Variants in SF3B1 observed in about 807,000 individuals in gnomAD.
The protein encoded by SF3B1 is splicing factor 3b subunit 1.
In SF3B1, 12 loss-of-function variants were observed where a neutral mutation model predicts 153.8. The ratio of observed to expected loss-of-function variants is 0.08; its 90% CI spans 0.05 to 0.13. SF3B1 has a LOEUF of 0.13. SF3B1 is among the 10% of genes least tolerant of loss of function. The pLI is 1.00. For missense variants in SF3B1, 513 were observed against 1,606.1 expected (o/e 0.32, Z 11.63); for synonymous variants, 498 against 525.2 (o/e 0.95, Z 0.71).
Position 197,423,983 on chromosome 2 carries a change from AGAT to A in SF3B1, c.29-12_29-10del, listed in dbSNP as rs775894809. 2 of 1,597,766 alleles carry A rather than the reference AGAT, an allele frequency of 1.3e-6. No homozygotes were observed. Among genetic ancestry groups the A allele is most frequent in the African/African-American group, 2.7e-5 (2 of 73,920 alleles). The stretch of plus-strand genomic sequence containing the variant: ...AATCTGTGCTTCAATATCTATAAAA[AGAT>A]AACACAGACTTTCTTAATTTCACTT... On this transcript the variant is annotated splice_polypyrimidine_tract_variant and intron_variant, in intron 1 of 24. Transcript: ENST00000335508.
intron 11 of SF3B1, among the ~76,000 whole-genome samples, chr2:197,404,052 T>C (rs1251117276): frequency 1.3e-5 from 2 of 152,194 alleles, no homozygotes; most frequent in Non-Finnish European, 2.9e-5. Flanking sequence ...AAGGCACATA[T>C]AGTGTTAACA....
chr2:197,418,951 C>T, intron 4 of SF3B1: 2 of 1,597,704 alleles, frequency 1.3e-6, no homozygotes, highest in Non-Finnish European at 1.7e-6. Context: ...AGAATAGAAG[C>T]CTAGAAAATT....
chr2:197,405,493 G>A (rs2084979948), intron 9 of SF3B1, 21 bp from the exon 10 acceptor site: 1 of 1,551,194 alleles, frequency 6.4e-7, no homozygotes, highest in South Asian at 1.2e-5. Flanking sequence ...TTATAAGACA[G>A]TTTAGGATTT....
At chr2:197,411,402 G>A (rs921527905) in intron 6 of SF3B1, among the ~76,000 whole-genome samples, 7 of 152,052 alleles carry the variant, frequency 4.6e-5, no homozygotes, top group East Asian at 3.8e-4. Flanking sequence ...GGCCGGGTGC[G>A]GTGGCTCACA....
intron 9 of SF3B1, among the ~76,000 whole-genome samples, chr2:197,405,773 T>A (rs573217569): frequency 6.6e-6 from 1 of 152,248 alleles, no homozygotes; most frequent in East Asian, 1.9e-4. Flanking sequence ...TTGAAAATTA[T>A]AAAATCTGAG....
intron 6 of SF3B1, among the ~76,000 whole-genome samples, chr2:197,412,545 C>T (rs1457956417): frequency 4.0e-5 from 6 of 151,486 alleles, no homozygotes; most frequent in Non-Finnish European, 5.9e-5. Context: ...TTAGTAGAGA[C>T]GGGGTTTCAC....
At chr2:197,395,138 G>A (rs1232093633) in intron 23 of SF3B1, among the ~76,000 whole-genome samples, 2 of 152,256 alleles carry the variant, frequency 1.3e-5, no homozygotes, top group East Asian at 3.9e-4. Flanking sequence ...TTAGTACACA[G>A]AAAAAAGTTT....
In SF3B1 at chr2:197,390,212, T is replaced by A. The variant is rs899490383; in HGVS notation, c.*2091A>T. Reference sequence around the variant, plus strand: ...ATTTGCATCAGTAAAAAAAGTTAATTAAGGTGTAACAGTCTCCTTTGCTCC... The same window carrying A: ...ATTTGCATCAGTAAAAAAAGTTAATAAAGGTGTAACAGTCTCCTTTGCTCC... On this transcript the variant is annotated 3_prime_UTR_variant, in exon 25 of 25. Coordinates refer to ENST00000335508, the MANE Select transcript of SF3B1 (RefSeq NM_012433.4). The A allele has an allele frequency of 2.0e-5, 3 of 152,126 alleles. No homozygotes were observed. The highest frequency in any genetic ancestry group is 4.4e-5 in the Non-Finnish European group (3 of 68,024). The allele number at this position is 152,126 out of a possible 1,614,324, so 9.4% of individuals were successfully genotyped here.
At chr2:197,427,571 T>C (rs947320907) in intron 1 of SF3B1, among the ~76,000 whole-genome samples, 4 of 152,186 alleles carry the variant, frequency 2.6e-5, no homozygotes, top group Admixed American at 6.5e-5. Context: ...ATGACATTCA[T>C]AAATAAGGTA....
At position 197,401,337 on chromosome 2, in the gene SF3B1, C is replaced by T; in HGVS notation, c.2496+63G>A. 1.4e-6 allele frequency: 2 copies of T among 1,446,102 alleles called. No individual in the cohort carries two copies. The highest frequency in any genetic ancestry group is 1.9e-6 in the Non-Finnish European group (2 of 1,058,964). 89.6% of individuals were successfully genotyped at this position (1,446,102 alleles called of 1,614,324 possible). The stretch of plus-strand genomic sequence containing the variant: ...CAAAAAATAATATACAACATGCATT[C>T]AAGTTGACTAAAGAATGAGTTGAAA... On this transcript the variant is annotated intron_variant, in intron 17 of 24. Coordinates refer to ENST00000335508, the MANE Select transcript of SF3B1 (RefSeq NM_012433.4). This position sits in a 1 kb window ranked among gnomAD's most constrained non-coding sequence, Gnocchi z 4.2.
At chr2:197,425,704 G>T (rs749829469) in intron 1 of SF3B1, among the ~76,000 whole-genome samples, 2 of 151,950 alleles carry the variant, frequency 1.3e-5, no homozygotes, top group Admixed American at 1.3e-4. Flanking sequence ...ACAGGAGCAC[G>T]TCTCACAAAC....
At chr2:197,405,794 CA>C (rs1298349892) in intron 9 of SF3B1, among the ~76,000 whole-genome samples, 1 of 151,740 alleles carries the variant, frequency 6.6e-6, no homozygotes, top group African/African-American at 2.4e-5. Context: ...TCAGCAATTC[CA>C]AAAAATGCTG....
intron 6 of SF3B1, among the ~76,000 whole-genome samples, chr2:197,413,070 C>G (rs2085095890): frequency 6.7e-6 from 1 of 148,660 alleles, no homozygotes. Flanking sequence ...TTCTCTTTCT[C>G]AAACTTAGTA....
chr2:197,429,283 T>C (rs1287362893), intron 1 of SF3B1, among the ~76,000 whole-genome samples: 1 of 152,216 alleles, frequency 6.6e-6, no homozygotes, highest in African/African-American at 2.4e-5. Flanking sequence ...TGGCACTCTT[T>C]AACCCATTTA....
intron 5 of SF3B1, 142 bp from the exon 6 acceptor site, chr2:197,417,053 G>T (rs1014624085): frequency 6.4e-5 from 48 of 749,700 alleles, no homozygotes; most frequent in Non-Finnish European, 9.7e-5. Context: ...TTCTACGCTC[G>T]CTGGTTCCAT....
rs945200385 is a variant in SF3B1, at chr2:197,409,661, A to G, written c.904+109T>C. The stretch of plus-strand genomic sequence containing the variant: ...TTCTATTCTTAATCTGTCCCCCAAA[A>G]GCAGCTGGTTATTTATACGTGTCCA... On this transcript the variant is annotated intron_variant, in intron 7 of 24. Coordinates refer to ENST00000335508, the MANE Select transcript of SF3B1 (RefSeq NM_012433.4). 17 of 852,402 alleles carry G rather than the reference A, an allele frequency of 2.0e-5. No homozygotes were observed. The African/African-American group carries it at 2.7e-4, about 13-fold the overall frequency. 52.8% of individuals were successfully genotyped at this position (852,402 alleles called of 1,614,324 possible). A position where few individuals can be genotyped will look rare whatever the true frequency, so the allele number is the denominator to read the frequency against.
intron 5 of SF3B1, among the ~76,000 whole-genome samples, chr2:197,417,777 G>T (rs565846499): frequency 6.6e-6 from 1 of 151,872 alleles, no homozygotes; most frequent in African/African-American, 2.4e-5. Flanking sequence ...ACAAAAAGTA[G>T]GCAGTTATTA....
intron 6 of SF3B1, among the ~76,000 whole-genome samples, chr2:197,416,073 C>T (rs765356495): frequency 1.1e-4 from 16 of 150,430 alleles, no homozygotes; most frequent in Non-Finnish European, 2.2e-4. Flanking sequence ...CCCACCTGGA[C>T]CCCCAAAGTG....
chr2:197,416,924 G>T lies in SF3B1; in HGVS notation c.496-13C>A, dbSNP rs1427911967. The stretch of plus-strand genomic sequence containing the variant: ...GCCTAATTTCTCGCTGAAAAAAACA[G>T]TGAGTATTTACCTTTAAAATGCTTT... On this transcript the variant is annotated splice_polypyrimidine_tract_variant and intron_variant, in intron 5 of 24. Transcript: ENST00000335508. The T allele has an allele frequency of 6.2e-7, 1 of 1,609,082 alleles. No individual in the cohort carries two copies. Among genetic ancestry groups the T allele is most frequent in the Non-Finnish European group, 8.5e-7 (1 of 1,177,566 alleles).
Sources: gnomAD v4.1 joint callset for allele counts (sites outside exome capture counted in the v4.1 genomes callset) on GRCh38, gnomAD v4.1.1 for gene constraint, Gnocchi (gnomAD v3.1) non-coding constraint, MANE v1.5 for transcripts, NCBI Gene and HGNC (gene_info 2026-07-23, HGNC 2026-07-21) for gene names.